SASH1: variants seen among roughly 807,000 people sequenced by gnomAD.
SASH1 encodes SAM and SH3 domain-containing protein 1.
In SASH1, 44 loss-of-function variants were observed where a neutral mutation model predicts 125.2. That is an observed-to-expected ratio of 0.35 (90% confidence interval 0.28 to 0.45). The LOEUF (loss-of-function observed/expected upper bound fraction) is 0.45. Among genes scored for constraint, SASH1 ranks in the 20% least tolerant of loss-of-function variants. The pLI is 1.00. For missense variants in SASH1, 1,426 were observed against 1,614.5 expected (o/e 0.88, Z 2.00); for synonymous variants, 639 against 649.1 (o/e 0.98, Z 0.24).
At chr6:148,252,667 C>T in the SASH1 span, among the ~76,000 whole-genome samples, 1 of 152,026 alleles carries the variant, frequency 6.6e-6, no homozygotes, top group African/African-American at 2.4e-5. Flanking sequence ...TTAGTAGAGG[C>T]AGGGTTTCGC....
At chr6:148,273,842 C>A (rs1779122368) in intron 1 of SASH1, among the ~76,000 whole-genome samples, 1 of 152,146 alleles carries the variant, frequency 6.6e-6, no homozygotes, top group Non-Finnish European at 1.5e-5. Flanking sequence ...GAGAACAGTG[C>A]CTGGTACTGT....
intron 1 of SASH1, among the ~76,000 whole-genome samples, chr6:148,337,554 G>A (rs562180846): frequency 1.3e-5 from 2 of 151,912 alleles, no homozygotes; most frequent in South Asian, 4.2e-4. Context: ...TAGAGACGAG[G>A]TTTCACCATG....
chr6:148,285,874 T>C (rs1275449337), intron 1 of SASH1, among the ~76,000 whole-genome samples: 1 of 152,192 alleles, frequency 6.6e-6, no homozygotes, highest in Admixed American at 6.5e-5. Context: ...TCAGATTCTT[T>C]CTGTATTACT....
the SASH1 span, among the ~76,000 whole-genome samples, chr6:148,255,893 C>G: frequency 6.6e-6 from 1 of 152,152 alleles, no homozygotes. Context: ...CTACCCGCCT[C>G]GGCCTCCCAA....
At chr6:148,450,842 C>G (rs1356190195) in intron 4 of SASH1, among the ~76,000 whole-genome samples, 1 of 152,144 alleles carries the variant, frequency 6.6e-6, no homozygotes, top group Non-Finnish European at 1.5e-5. Flanking sequence ...TGATACCAGA[C>G]TCTCTGGGTT....
rs1006053983 is a variant in SASH1 at position 148,529,977 on chromosome 6, T to C, written c.1429-1549T>C. 1.2e-4 allele frequency among the ~76,000 whole-genome samples: 18 copies of C among 152,098 alleles called. No individual in the cohort carries two copies. The highest frequency in any genetic ancestry group is 4.3e-4 in the African/African-American group (18 of 41,426). ...ACGTGCCACCATACCCGGCTAATTATTGTATTTTTAGTAGAGATGGGGTTT... is the reference window on the plus strand; with the variant it reads ...ACGTGCCACCATACCCGGCTAATTACTGTATTTTTAGTAGAGATGGGGTTT... On this transcript the variant is annotated intron_variant, in intron 12 of 19. Transcript: ENST00000367467. The surrounding 1 kb of genome is among the most constrained non-coding windows in gnomAD (Gnocchi z 4.2).
intron 4 of SASH1, among the ~76,000 whole-genome samples, chr6:148,467,311 G>T (rs1398662123): frequency 6.6e-6 from 1 of 151,900 alleles, no homozygotes; most frequent in South Asian, 2.1e-4. Context: ...TGTCCAGTCT[G>T]GTCTCAAACT....
chr6:148,421,988 G>C (rs994824439), intron 2 of SASH1, among the ~76,000 whole-genome samples: 1 of 152,098 alleles, frequency 6.6e-6, no homozygotes, highest in Non-Finnish European at 1.5e-5. Flanking sequence ...TTTTCTTCCA[G>C]ATGGAGAATA....
At chr6:148,262,634 A>G in the SASH1 span, among the ~76,000 whole-genome samples, 1 of 152,234 alleles carries the variant, frequency 6.6e-6, no homozygotes, top group Non-Finnish European at 1.5e-5. Flanking sequence ...CTGTAATCCC[A>G]GCACTTTGGG....
intron 2 of SASH1, among the ~76,000 whole-genome samples, chr6:148,418,663 C>T (rs554048765): frequency 2.6e-5 from 4 of 152,266 alleles, no homozygotes; most frequent in East Asian, 3.9e-4. Context: ...CCAGGCACTT[C>T]GCTAGGTCTT....
At chr6:148,523,414 G>A (rs959696738) in intron 10 of SASH1, among the ~76,000 whole-genome samples, 2 of 152,206 alleles carry the variant, frequency 1.3e-5, no homozygotes, top group Non-Finnish European at 2.9e-5. Flanking sequence ...AGGTGATTTG[G>A]TGAATATATT....
rs1776590318 is a variant in SASH1, at chr6:148,442,567, A to G, written c.386+2160A>G. On this transcript the variant is annotated intron_variant, in intron 4 of 19. Transcript: ENST00000367467. ...CCCCCTGCCCCCCACATACACCACC[A>G]TTAATTATTATTACTGCTGGCCTGT... is the stretch of plus-strand genomic sequence containing the variant. Among the ~76,000 whole-genome samples the G allele has an allele frequency of 2.0e-5, 3 of 149,286 alleles. No individual in the cohort carries two copies. The South Asian group carries it at 6.7e-4, about 34-fold the overall frequency.
At chr6:148,452,037 G>A (rs966232680) in intron 4 of SASH1, among the ~76,000 whole-genome samples, 6 of 152,148 alleles carry the variant, frequency 3.9e-5, no homozygotes, top group East Asian at 3.9e-4. Context: ...CCACGGAGGT[G>A]GATGTGTCCT....
At chr6:148,350,714 C>CAAAAG (rs1781698740) in intron 1 of SASH1, among the ~76,000 whole-genome samples, 2 of 152,186 alleles carry the variant, frequency 1.3e-5, no homozygotes, top group South Asian at 4.1e-4. Context: ...AAATTGGTCT[C>CAAAAG]AAAAGAGTGA....
chr6:148,194,917 A>T, the SASH1 span, among the ~76,000 whole-genome samples: 3 of 143,824 alleles, frequency 2.1e-5, no homozygotes, highest in African/African-American at 9.0e-5. Flanking sequence ...AAACAAAACA[A>T]AAAAAGAATG....
chr6:148,533,111 T>C lies in SASH1; in HGVS notation c.1734+145T>C, dbSNP rs1196908982. On this transcript the variant is annotated intron_variant, in intron 14 of 19. Coordinates refer to ENST00000367467, the MANE Select transcript of SASH1 (RefSeq NM_015278.5). The surrounding 1 kb of genome is among the most constrained non-coding windows in gnomAD (Gnocchi z 6.2). ...CTACCTCGATCACTGGTCTCCTCTG[T>C]AGTGAAAAACAGAACAAGAACCAGC... is the stretch of plus-strand genomic sequence containing the variant. The C allele has an allele frequency of 1.9e-5, 17 of 909,654 alleles. No homozygotes were observed. The highest frequency in any genetic ancestry group is 3.3e-5 in the African/African-American group (2 of 60,204). The allele number at this position is 909,654 out of a possible 1,614,324, so 56.3% of individuals were successfully genotyped here.
intron 1 of SASH1, among the ~76,000 whole-genome samples, chr6:148,337,218 A>T (rs1781185434): frequency 7.3e-6 from 1 of 136,464 alleles, no homozygotes; most frequent in African/African-American, 2.8e-5. Flanking sequence ...CACTACATCC[A>T]GCTAATTTTT....
intron 2 of SASH1, among the ~76,000 whole-genome samples, chr6:148,432,770 A>C (rs778551521): frequency 2.2e-4 from 34 of 152,224 alleles, no homozygotes; most frequent in Admixed American, 1.3e-4. Context: ...TTCCACAGGA[A>C]GGTGGAGACA....
chr6:148,300,830 G>A (rs1293957808), intron 1 of SASH1, among the ~76,000 whole-genome samples: 1 of 152,220 alleles, frequency 6.6e-6, no homozygotes, highest in Non-Finnish European at 1.5e-5. Flanking sequence ...GAAGCAACAT[G>A]AAGCCACAGT....
Sources: gnomAD v4.1 joint callset for allele counts (sites outside exome capture counted in the v4.1 genomes callset) on GRCh38, gnomAD v4.1.1 for gene constraint, Gnocchi (gnomAD v3.1) non-coding constraint, MANE v1.5 for transcripts, NCBI Gene and HGNC (gene_info 2026-07-23, HGNC 2026-07-21) for gene names.